Variants in PDE4D observed in about 807,000 individuals in gnomAD.
PDE4D encodes 3',5'-cyclic-AMP phosphodiesterase 4D.
PDE4D carries 24 observed loss-of-function variants against 87.4 expected under a neutral mutation model. That is an observed-to-expected ratio of 0.27 (90% CI 0.20 to 0.39). The LOEUF (loss-of-function observed/expected upper bound fraction) is 0.39, where lower values mean the gene tolerates loss of function less well. PDE4D is among the 10% of genes least tolerant of loss of function. The pLI, the probability that PDE4D is intolerant of heterozygous loss-of-function variation, is 1.00. For synonymous variants in PDE4D, 384 were observed against 383.2 expected (o/e 1.00, Z -0.02); for missense variants, 714 against 1,041.0 (o/e 0.69, Z 4.32).
chr5:58,978,281 G>C (rs538317109), intron 11 of PDE4D, among the ~76,000 whole-genome samples: 1 of 108,838 alleles, frequency 9.2e-6, no homozygotes, highest in Non-Finnish European at 2.0e-5. Context: ...GGGGATGGTA[G>C]GGCGTGCCTG....
chr5:59,950,374 A>G (rs773861766), intron 3 of PDE4D, among the ~76,000 whole-genome samples: 3 of 152,158 alleles, frequency 2.0e-5, no homozygotes, highest in Non-Finnish European at 4.4e-5. Flanking sequence ...ATAAACTCAT[A>G]TTAATAGAAT....
intron 1 of PDE4D, among the ~76,000 whole-genome samples, chr5:60,485,497 C>T (rs147277516): frequency 6.6e-6 from 1 of 152,168 alleles, no homozygotes; most frequent in African/African-American, 2.4e-5. Flanking sequence ...TTAATAGTCT[C>T]CAAATGCCAG....
At position 59,918,750 on chromosome 5, in the gene PDE4D, C is replaced by A. The variant is rs750154042; in HGVS notation, c.272+69738G>T. ...CAAGAAGTTGCGACCGTCAGTCTTGCGGCTGCAAGGAAATTAATTCTCTCA... is the reference window on the plus strand; with the variant it reads ...CAAGAAGTTGCGACCGTCAGTCTTGAGGCTGCAAGGAAATTAATTCTCTCA... On this transcript the variant is annotated intron_variant, in intron 3 of 16. Coordinates refer to the PDE4D transcript ENST00000502484. Among the ~76,000 whole-genome samples, 37 of 152,024 alleles carry A rather than the reference C, an allele frequency of 2.4e-4. 1 individual carries two copies. Among genetic ancestry groups the A allele is most frequent in the Non-Finnish European group, 4.4e-4 (30 of 67,982 alleles).
At chr5:59,648,937 T>A (rs888129314) in intron 1 of PDE4D, among the ~76,000 whole-genome samples, 2 of 152,186 alleles carry the variant, frequency 1.3e-5, no homozygotes, top group Non-Finnish European at 2.9e-5. Context: ...CGAGTTGATG[T>A]TCTCTCCCGA....
chr5:59,738,573 T>C (rs1580785437), intron 1 of PDE4D, among the ~76,000 whole-genome samples: 2 of 151,894 alleles, frequency 1.3e-5, no homozygotes, highest in East Asian at 3.9e-4. Flanking sequence ...GAAGGAAAGG[T>C]GATAGAATTG....
chr5:59,843,563 T>A (rs1743373913), intron 1 of PDE4D, among the ~76,000 whole-genome samples: 1 of 152,094 alleles, frequency 6.6e-6, no homozygotes, highest in Non-Finnish European at 1.5e-5. Flanking sequence ...GTTACTTATT[T>A]CTAAGTTCCC....
intron 3 of PDE4D, among the ~76,000 whole-genome samples, chr5:59,937,140 T>C (rs1474870229): frequency 6.6e-6 from 1 of 152,070 alleles, no homozygotes; most frequent in African/African-American, 2.4e-5. Context: ...GATAGGAAAA[T>C]GGAGGCTTAG....
chr5:59,443,449 A>T (rs996123619), intron 1 of PDE4D, among the ~76,000 whole-genome samples: 4 of 152,234 alleles, frequency 2.6e-5, no homozygotes, highest in Non-Finnish European at 5.9e-5. Flanking sequence ...AAATGGCAGA[A>T]TTCCTGAACA....
At chr5:59,589,851 A>C (rs1406992131) in intron 1 of PDE4D, among the ~76,000 whole-genome samples, 1 of 152,202 alleles carries the variant, frequency 6.6e-6, no homozygotes, top group Non-Finnish European at 1.5e-5. Flanking sequence ...TTTTAGCTGA[A>C]TATTTTTAAA....
chr5:59,680,652 C>T (rs369518494), intron 1 of PDE4D, among the ~76,000 whole-genome samples: 4 of 152,084 alleles, frequency 2.6e-5, no homozygotes, highest in African/African-American at 7.2e-5. Context: ...ATAAATAATG[C>T]TAAAAGTCTA....
chr5:60,204,293 CATCT>C (rs550487115), intron 1 of PDE4D, among the ~76,000 whole-genome samples: 8 of 152,076 alleles, frequency 5.3e-5, no homozygotes, highest in Non-Finnish European at 7.4e-5. Flanking sequence ...CTCTATCTGT[CATCT>C]ATCTATCTAT....
intron 1 of PDE4D, among the ~76,000 whole-genome samples, chr5:59,285,618 A>G (rs1326079710): frequency 2.0e-5 from 3 of 152,186 alleles, no homozygotes; most frequent in Non-Finnish European, 2.9e-5. Context: ...CATCATTGAT[A>G]AGAAGCGAAA....
intron 6 of PDE4D, among the ~76,000 whole-genome samples, chr5:59,029,804 G>T (rs1405260556): frequency 6.6e-6 from 1 of 152,102 alleles, no homozygotes; most frequent in Non-Finnish European, 1.5e-5. Context: ...TAAAGCTACT[G>T]TAATCAAAAC....
intron 1 of PDE4D, among the ~76,000 whole-genome samples, chr5:59,484,117 T>G (rs748366933): frequency 2.0e-5 from 3 of 152,142 alleles, no homozygotes; most frequent in Non-Finnish European, 4.4e-5. Flanking sequence ...CTTCCCAATA[T>G]CATCAACTAC....
At chr5:60,205,780 G>A (rs1188027715) in intron 1 of PDE4D, among the ~76,000 whole-genome samples, 8 of 152,070 alleles carry the variant, frequency 5.3e-5, no homozygotes, top group African/African-American at 1.4e-4. Context: ...TGTAGTACTC[G>A]GGAGGCTGAG....
At chr5:59,214,233 A>G (rs918038300) in intron 2 of PDE4D, among the ~76,000 whole-genome samples, 1 of 152,146 alleles carries the variant, frequency 6.6e-6, no homozygotes, top group African/African-American at 2.4e-5. Context: ...ATCATTCAAC[A>G]ATAGAGTAAT....
intron 1 of PDE4D, among the ~76,000 whole-genome samples, chr5:59,449,391 G>T (rs1375484696): frequency 6.6e-6 from 1 of 152,198 alleles, no homozygotes; most frequent in Non-Finnish European, 1.5e-5. Context: ...AGCAGATATA[G>T]TTTTTCTCCC....
chr5:60,160,008 C>A (rs1782332890), intron 2 of PDE4D, among the ~76,000 whole-genome samples: 2 of 152,260 alleles, frequency 1.3e-5, no homozygotes, highest in Middle Eastern at 3.4e-3. Flanking sequence ...CTGCCTCTGC[C>A]ACCCCTGAGA....
intron 1 of PDE4D, among the ~76,000 whole-genome samples, chr5:59,269,699 A>T (rs1001693255): frequency 6.6e-6 from 1 of 152,018 alleles, no homozygotes; most frequent in Non-Finnish European, 1.5e-5. Context: ...GTACAAACTC[A>T]GTGGCTGTTT....
Sources: allele counts gnomAD v4.1 joint callset (sites outside exome capture counted in the v4.1 genomes callset), GRCh38; gene constraint gnomAD v4.1.1; transcripts MANE v1.5; gene names NCBI Gene and HGNC (gene_info 2026-07-23, HGNC 2026-07-21).